The following RFX3 variants were observed in gnomAD, a reference collection of about 807,000 sequenced individuals.
RFX3 encodes transcription factor RFX3.
Under a neutral mutation model 98.6 loss-of-function variants are expected in RFX3, and 14 were observed. The ratio of observed to expected loss-of-function variants is 0.14; its 90% CI spans 0.09 to 0.22. The LOEUF is 0.22. RFX3 is among the 10% of genes least tolerant of loss of function. The pLI is 1.00. For missense variants in RFX3, 639 were observed against 926.9 expected (o/e 0.69, Z 4.03); for synonymous variants, 383 against 328.4 (o/e 1.17, Z -1.80).
At chr9:3,399,781 C>T (rs1380567312) in intron 1 of RFX3, among the ~76,000 whole-genome samples, 1 of 151,614 alleles carries the variant, frequency 6.6e-6, no homozygotes, top group Non-Finnish European at 1.5e-5. Context: ...GAAACCCCGC[C>T]TCTACTAAAA....
chr9:3,271,561 C>CTCTTTCTT (rs3028225), intron 9 of RFX3, among the ~76,000 whole-genome samples: 23 of 105,642 alleles, frequency 2.2e-4, no homozygotes, highest in Non-Finnish European at 3.3e-4. Flanking sequence ...CTTTCTCTCT[C>CTCTTTCTT]TCTTTCTTTC....
intron 1 of RFX3, among the ~76,000 whole-genome samples, chr9:3,426,797 C>A (rs1002931083): frequency 6.6e-6 from 1 of 152,180 alleles, no homozygotes; most frequent in East Asian, 1.9e-4. Flanking sequence ...AGGGCTCCCA[C>A]TGATTCTACA....
chr9:3,344,399 C>G (rs957014925), intron 3 of RFX3, among the ~76,000 whole-genome samples: 1 of 152,092 alleles, frequency 6.6e-6, no homozygotes, highest in Non-Finnish European at 1.5e-5. Context: ...ATCTGAAATG[C>G]ATGATGAGTA....
chr9:3,465,600 G>T (rs187318179), intron 1 of RFX3, among the ~76,000 whole-genome samples: 52 of 151,608 alleles, frequency 3.4e-4, no homozygotes, highest in African/African-American at 1.1e-3. Flanking sequence ...CGCTGCACTT[G>T]GCCCATATGT....
intron 1 of RFX3, among the ~76,000 whole-genome samples, chr9:3,419,569 T>A (rs911797472): frequency 6.6e-6 from 1 of 152,186 alleles, no homozygotes; most frequent in Non-Finnish European, 1.5e-5. Context: ...AAGTATCAAC[T>A]TATCCTGCTG....
intron 2 of RFX3, among the ~76,000 whole-genome samples, chr9:3,368,546 A>G (rs1837464303): frequency 6.6e-6 from 1 of 152,242 alleles, no homozygotes; most frequent in South Asian, 2.1e-4. Flanking sequence ...AGATAAGAAA[A>G]TGGTCTTACC....
At chr9:3,301,414 G>A in intron 5 of RFX3, 132 bp downstream of exon 5, 1 of 552,486 alleles carries the variant, frequency 1.8e-6, no homozygotes, top group Non-Finnish European at 3.3e-6. Flanking sequence ...ATGACACAGA[G>A]ATCATAAGGG....
chr9:3,504,186 TTATATATTA>T lies in RFX3; in HGVS notation c.-9+21552_-9+21560del, dbSNP rs551493922. 3.7e-3 allele frequency among the ~76,000 whole-genome samples: 356 copies of T among 96,380 alleles called. 1 individual carries two copies. Among genetic ancestry groups the T allele is most frequent in the East Asian group, 0.03 (29 of 974 alleles). 63.2% of individuals were successfully genotyped at this position (96,380 alleles called of 152,430 possible). ...TTATATATATTATATATTATACATA[TTATATATTA>T]TATATATTATATATATTATATACTA... On this transcript the variant is annotated intron_variant, in intron 1 of 16. Transcript: ENST00000617270.
chr9:3,325,631 G>A (rs1831822960), intron 4 of RFX3, among the ~76,000 whole-genome samples: 1 of 151,748 alleles, frequency 6.6e-6, no homozygotes, highest in Non-Finnish European at 1.5e-5. Flanking sequence ...CTAATTATAA[G>A]AATAAAAATA....
chr9:3,496,181 A>C (rs1299675356), intron 1 of RFX3, among the ~76,000 whole-genome samples: 3 of 151,998 alleles, frequency 2.0e-5, no homozygotes, highest in Non-Finnish European at 4.4e-5. Context: ...CAGGCTATTT[A>C]ATACGAGCCT....
intron 1 of RFX3, among the ~76,000 whole-genome samples, chr9:3,514,572 CT>C (rs1454277414): frequency 2.0e-5 from 3 of 152,060 alleles, no homozygotes; most frequent in Non-Finnish European, 4.4e-5. Context: ...CACCTCAGTC[CT>C]GAGGGGGTGG....
At chr9:3,380,285 G>A (rs1209911851) in intron 2 of RFX3, among the ~76,000 whole-genome samples, 2 of 152,102 alleles carry the variant, frequency 1.3e-5, no homozygotes, top group African/African-American at 2.4e-5. Flanking sequence ...GTACCCTGAA[G>A]AAGTACCACC....
chr9:3,309,145 G>C (rs1829675440), intron 4 of RFX3, among the ~76,000 whole-genome samples: 1 of 152,130 alleles, frequency 6.6e-6, no homozygotes, highest in Non-Finnish European at 1.5e-5. Context: ...CATTTCTTTT[G>C]AGTATGCCAA....
Position 3,269,905 on chromosome 9 carries a change from G to A in RFX3, c.1357+466C>T, listed in dbSNP as rs545459770. Among the ~76,000 whole-genome samples, 159 of 152,174 alleles carry A rather than the reference G, an allele frequency of 1.0e-3. 1 individual carries two copies. Among genetic ancestry groups the A allele is most frequent in the Middle Eastern group, 3.4e-3 (1 of 294 alleles). ...AGCAACCGTGAAGGAGGTTGGCCTAGCAATTACAGATTTCCATAATTTTTG... is the reference window on the plus strand; with the variant it reads ...AGCAACCGTGAAGGAGGTTGGCCTAACAATTACAGATTTCCATAATTTTTG... On this transcript the variant is annotated intron_variant, in intron 11 of 16. Transcript: ENST00000617270.
chr9:3,300,407 C>G (rs1828506852), intron 5 of RFX3, among the ~76,000 whole-genome samples: 1 of 150,870 alleles, frequency 6.6e-6, no homozygotes, highest in South Asian at 2.1e-4. Context: ...GACAAAATAC[C>G]CCATCTAAAA....
At chr9:3,330,126 C>T in intron 4 of RFX3, 133 bp downstream of exon 4, 1 of 874,424 alleles carries the variant, frequency 1.1e-6, no homozygotes, top group Non-Finnish European at 1.7e-6. Flanking sequence ...ATTCTGCAAA[C>T]TCTCAATACT....
intron 1 of RFX3, among the ~76,000 whole-genome samples, chr9:3,412,687 G>T (rs1842559253): frequency 6.6e-6 from 1 of 152,002 alleles, no homozygotes; most frequent in African/African-American, 2.4e-5. Flanking sequence ...AAAATAATAG[G>T]ATTCTGTCCA....
intron 2 of RFX3, among the ~76,000 whole-genome samples, chr9:3,361,860 T>G (rs776614846): frequency 6.6e-6 from 1 of 151,928 alleles, no homozygotes; most frequent in East Asian, 1.9e-4. Flanking sequence ...GGCAGGAGGA[T>G]TGCTTTAGCC....
intron 4 of RFX3, among the ~76,000 whole-genome samples, chr9:3,327,099 T>G (rs1454063057): frequency 6.6e-6 from 1 of 152,110 alleles, no homozygotes; most frequent in Non-Finnish European, 1.5e-5. Context: ...CAACAAATCT[T>G]TAAAGATTGT....
Sources: allele counts gnomAD v4.1 joint callset (sites outside exome capture counted in the v4.1 genomes callset), GRCh38; gene constraint gnomAD v4.1.1; transcripts MANE v1.5; gene names NCBI Gene and HGNC (gene_info 2026-07-23, HGNC 2026-07-21).